PXDNL: variants seen among roughly 807,000 people sequenced by gnomAD.
PXDNL encodes the protein probable oxidoreductase PXDNL.
PXDNL carries 145 observed loss-of-function variants against 150.8 expected under a neutral mutation model. The observed-to-expected ratio is 0.96, with a 90% CI of 0.84 to 1.10. The LOEUF is 1.10. PXDNL is among the 50% of genes least tolerant of loss of function. PXDNL has a pLI of 0.00. For synonymous variants in PXDNL, 757 were observed against 725.7 expected, an observed-to-expected ratio of 1.04 and a Z score of -0.69; for missense variants, 2,087 against 1,873.9, an observed-to-expected ratio of 1.11 and a Z score of -2.10.
At chr8:51,641,274 C>G (rs1814747978) in intron 2 of PXDNL, among the ~76,000 whole-genome samples, 2 of 151,272 alleles carry the variant, frequency 1.3e-5, no homozygotes, top group Admixed American at 1.3e-4. Context: ...TAGGCATTAC[C>G]ATTCAGGACA....
In PXDNL at chr8:51,403,863, G is replaced by A. The variant is rs141660155; in HGVS notation, c.3557+4204C>T. ...TCTCACTGACTTCAAGAATGAACTT[G>A]CGGACCCTCACGGTGAGTGTTACAG... On this transcript the variant is annotated intron_variant, in intron 17 of 22. Coordinates refer to ENST00000356297, the MANE Select transcript of PXDNL (RefSeq NM_144651.5). Among the ~76,000 whole-genome samples, 261 of 152,308 alleles carry A rather than the reference G, an allele frequency of 1.7e-3. 1 individual carries two copies. Among genetic ancestry groups the A allele is most frequent in the African/African-American group, 5.7e-3 (239 of 41,570 alleles).
At chr8:51,428,241 A>C (rs889810569) in intron 12 of PXDNL, among the ~76,000 whole-genome samples, 3 of 152,250 alleles carry the variant, frequency 2.0e-5, no homozygotes, top group African/African-American at 7.2e-5. Flanking sequence ...GAATAAGCAT[A>C]TATGCATGGA....
chr8:51,529,287 A>G (rs1811833247), intron 4 of PXDNL, among the ~76,000 whole-genome samples: 2 of 152,136 alleles, frequency 1.3e-5, no homozygotes, highest in African/African-American at 2.4e-5. Context: ...GTCTTTCTGG[A>G]TGCTAATCCA....
intron 12 of PXDNL, among the ~76,000 whole-genome samples, chr8:51,442,162 G>A (rs774352927): frequency 1.3e-5 from 2 of 151,820 alleles, no homozygotes; most frequent in Non-Finnish European, 2.9e-5. Context: ...TTTCTTTACT[G>A]ACAGAAAATG....
At chr8:51,752,830 T>C (rs2037059642) in intron 1 of PXDNL, among the ~76,000 whole-genome samples, 1 of 152,238 alleles carries the variant, frequency 6.6e-6, no homozygotes, top group African/African-American at 2.4e-5. Flanking sequence ...AATTTGGTGG[T>C]CACCTCTCAG....
chr8:51,793,035 C>A (rs767581350), intron 1 of PXDNL, among the ~76,000 whole-genome samples: 2 of 152,162 alleles, frequency 1.3e-5, no homozygotes, highest in Admixed American at 6.5e-5. Flanking sequence ...TTGGGTGAGA[C>A]CCCCCACAAC....
At chr8:51,367,100 CAAAAAAAAAAAAAAAA>C (rs58282258) in intron 19 of PXDNL, among the ~76,000 whole-genome samples, 1 of 55,258 alleles carries the variant, frequency 1.8e-5, no homozygotes, top group African/African-American at 6.4e-5. Context: ...ACTCTTGTCT[CAAAAAAAAAAAAAAAA>C]AAAAAAAAAA....
chr8:51,337,257 G>A (rs1365699438), intron 21 of PXDNL, among the ~76,000 whole-genome samples: 2 of 152,118 alleles, frequency 1.3e-5, no homozygotes, highest in African/African-American at 4.8e-5. Context: ...CCACCAATAT[G>A]TAATGAAATG....
intron 1 of PXDNL, among the ~76,000 whole-genome samples, chr8:51,675,977 G>C (rs1181016030): frequency 1.3e-5 from 2 of 152,006 alleles, no homozygotes; most frequent in African/African-American, 4.8e-5. Context: ...TTCTTATCTG[G>C]TCATCCATTG....
At chr8:51,368,112 G>A (rs1806975887) in intron 19 of PXDNL, among the ~76,000 whole-genome samples, 1 of 152,104 alleles carries the variant, frequency 6.6e-6, no homozygotes, top group Non-Finnish European at 1.5e-5. Context: ...TCCAGGCTGG[G>A]TAACGAGCAA....
chr8:51,356,766 T>C (rs1269935732), intron 19 of PXDNL, among the ~76,000 whole-genome samples: 1 of 152,216 alleles, frequency 6.6e-6, no homozygotes, highest in African/African-American at 2.4e-5. Context: ...CCTTTTCCCT[T>C]TTCCTTAAAA....
chr8:51,612,641 C>T (rs1814036907), intron 2 of PXDNL, among the ~76,000 whole-genome samples: 1 of 152,010 alleles, frequency 6.6e-6, no homozygotes, highest in Non-Finnish European at 1.5e-5. Context: ...GGATTAGCGC[C>T]CTTATAAAAG....
chr8:51,347,004 G>A (rs568085824), intron 19 of PXDNL, among the ~76,000 whole-genome samples: 3 of 152,130 alleles, frequency 2.0e-5, no homozygotes, highest in African/African-American at 7.2e-5. Flanking sequence ...GAATGACGTA[G>A]GAATCAACAT....
intron 10 of PXDNL, among the ~76,000 whole-genome samples, chr8:51,453,274 A>T (rs770707603): frequency 1.3e-5 from 2 of 152,204 alleles, no homozygotes; most frequent in Non-Finnish European, 2.9e-5. Context: ...TTCCTTCCAG[A>T]TTAATGACTC....
intron 1 of PXDNL, among the ~76,000 whole-genome samples, chr8:51,744,064 AGG>A (rs1158580314): frequency 0.11 from 6,859 of 64,804 alleles, 910 homozygotes; most frequent in African/African-American, 0.26. Flanking sequence ...GAAGGAAGGA[AGG>A]AAGGAAGGAA....
intron 17 of PXDNL, among the ~76,000 whole-genome samples, chr8:51,377,920 G>T: frequency 6.6e-6 from 1 of 152,252 alleles, no homozygotes; most frequent in East Asian, 1.9e-4. Context: ...CAGAGCAGGG[G>T]ACTGGCAGGC....
intron 14 of PXDNL, among the ~76,000 whole-genome samples, chr8:51,422,118 G>A (rs989034727): frequency 6.6e-6 from 1 of 151,986 alleles, no homozygotes; most frequent in Non-Finnish European, 1.5e-5. Flanking sequence ...AGAATCTAAT[G>A]CCTGATGATC....
chr8:51,705,778 A>T (rs1816362508), intron 1 of PXDNL, among the ~76,000 whole-genome samples: 1 of 152,118 alleles, frequency 6.6e-6, no homozygotes, highest in South Asian at 2.1e-4. Context: ...CAGACCAAAT[A>T]GTTCAGACAA....
chr8:51,520,513 C>A (rs942323299), intron 4 of PXDNL, among the ~76,000 whole-genome samples: 2 of 152,012 alleles, frequency 1.3e-5, no homozygotes, highest in Non-Finnish European at 2.9e-5. Context: ...ACCCAAATCT[C>A]CTCGGAAGAT....
Sources: gnomAD v4.1 joint callset for allele counts (sites outside exome capture counted in the v4.1 genomes callset) on GRCh38, gnomAD v4.1.1 for gene constraint, MANE v1.5 for transcripts, NCBI Gene and HGNC (gene_info 2026-07-23, HGNC 2026-07-21) for gene names.